The following CCDC171 variants were observed in gnomAD, a reference collection of about 807,000 sequenced individuals.
CCDC171 encodes the protein coiled-coil domain containing 171, also known as coiled-coil domain-containing protein 171.
CCDC171 carries 177 observed loss-of-function variants against 168.2 expected under a neutral mutation model. That is an observed-to-expected ratio of 1.05 (90% confidence interval 0.93 to 1.19). The LOEUF (loss-of-function observed/expected upper bound fraction) is 1.19. CCDC171 is among the 50% of genes most tolerant of loss of function. The pLI is 0.00. For missense variants in CCDC171, 1,991 were observed against 1,539.0 expected (o/e 1.29, Z -4.91); for synonymous variants, 687 against 540.8 (o/e 1.27, Z -3.75).
At position 15,595,297 on chromosome 9, in the gene CCDC171, G is replaced by A. The variant is rs1006360154; in HGVS notation, c.675+1125G>A. On this transcript the variant is annotated intron_variant, in intron 6 of 25. Transcript: ENST00000380701. ...ATATATCCTAATGCTATCCCTCCCC[G>A]CTCCCCTGACCCCACAACAGGCCCT... 4.6e-5 allele frequency among the ~76,000 whole-genome samples: 7 copies of A among 151,818 alleles called. No homozygotes were observed. In the South Asian group the frequency reaches 6.3e-4, roughly 14 times the overall value.
At chr9:15,869,456 C>T (rs1273902561) in intron 23 of CCDC171, among the ~76,000 whole-genome samples, 5 of 149,512 alleles carry the variant, frequency 3.3e-5, no homozygotes, top group Admixed American at 1.3e-4. Context: ...AGAATTCATG[C>T]GTTTATAACG....
chr9:15,963,867 C>G (rs532901353), intron 25 of CCDC171, among the ~76,000 whole-genome samples: 5 of 152,266 alleles, frequency 3.3e-5, no homozygotes, highest in Non-Finnish European at 2.9e-5. Context: ...CTACATTTCT[C>G]AGACCCTCTC....
chr9:15,576,582 C>A (rs1252306085), intron 3 of CCDC171, among the ~76,000 whole-genome samples: 1 of 152,128 alleles, frequency 6.6e-6, no homozygotes, highest in Non-Finnish European at 1.5e-5. Flanking sequence ...CTCCCGTGTT[C>A]TTAAGTGTTT....
In CCDC171 at chr9:16,001,552, C is replaced by G. The variant is rs1832545335; in HGVS notation, n.369-19037C>G. Among the ~76,000 whole-genome samples, 4 of 152,050 alleles carry G rather than the reference C, an allele frequency of 2.6e-5. No homozygotes were observed. The South Asian group carries it at 6.2e-4, about 24-fold the overall frequency. On this transcript the variant is annotated intron_variant and non_coding_transcript_variant, in intron 3 of 9. Coordinates refer to the CCDC171 transcript ENST00000486641. ...GCTGATGACTTTGTATTTTGCTATT[C>G]CAGTCATGCACTGCATAACAACATT...
chr9:15,843,723 A>G (rs932131072), intron 21 of CCDC171, among the ~76,000 whole-genome samples: 11 of 152,094 alleles, frequency 7.2e-5, no homozygotes, highest in African/African-American at 2.7e-4. Flanking sequence ...AATTAGGGTG[A>G]CCGTGTTAAC....
At chr9:15,617,607 ACCT>A (rs1433637720) in intron 6 of CCDC171, among the ~76,000 whole-genome samples, 2 of 151,496 alleles carry the variant, frequency 1.3e-5, no homozygotes, top group African/African-American at 4.9e-5. Context: ...TGATGTCCTG[ACCT>A]CCTGATCCAC....
chr9:15,726,224 G>C (rs1045063799), intron 14 of CCDC171, among the ~76,000 whole-genome samples: 5 of 152,150 alleles, frequency 3.3e-5, no homozygotes, highest in Admixed American at 2.0e-4. Context: ...CTAGAAGCCT[G>C]ACTATATTGT....
In CCDC171 at chr9:16,032,441, C is replaced by T. The variant is rs16933976; in HGVS notation, n.999-3016C>T. ...GAAGGGTCACTGGCCATGCACGAGA[C>T]GCCAAGAAGAGAGTTCAGAGAGGGC... is the stretch of plus-strand genomic sequence containing the variant. On this transcript the variant is annotated intron_variant and non_coding_transcript_variant, in intron 6 of 9. Coordinates refer to the CCDC171 transcript ENST00000486641. Among the ~76,000 whole-genome samples the T allele has an allele frequency of 7.0e-4, 107 of 152,110 alleles. No homozygotes were observed. In the East Asian group the frequency reaches 0.019, roughly 27 times the overall value.
intron 6 of CCDC171, among the ~76,000 whole-genome samples, chr9:15,599,991 A>C (rs1453200975): frequency 6.6e-6 from 1 of 151,802 alleles, no homozygotes; most frequent in African/African-American, 2.4e-5. Flanking sequence ...CATGGTTTTC[A>C]GCTCCGTCAG....
intron 20 of CCDC171, among the ~76,000 whole-genome samples, chr9:15,779,671 T>A (rs2057555140): frequency 6.6e-6 from 1 of 152,238 alleles, no homozygotes; most frequent in South Asian, 2.1e-4. Context: ...CTTCTCTTCT[T>A]ATATTGAATA....
chr9:15,739,377 C>G (rs1386095521), intron 16 of CCDC171, among the ~76,000 whole-genome samples: 2 of 152,126 alleles, frequency 1.3e-5, no homozygotes, highest in Non-Finnish European at 2.9e-5. Flanking sequence ...AAGGTGAATT[C>G]TTTACTGGGG....
At chr9:15,880,706 C>T (rs975589323) in intron 24 of CCDC171, among the ~76,000 whole-genome samples, 1 of 149,992 alleles carries the variant, frequency 6.7e-6, no homozygotes, top group African/African-American at 2.5e-5. Flanking sequence ...GAACTCCTGA[C>T]CTCAAGTGAT....
intron 2 of CCDC171, among the ~76,000 whole-genome samples, chr9:15,565,840 A>G (rs1485606654): frequency 6.6e-6 from 1 of 152,168 alleles, no homozygotes; most frequent in Admixed American, 6.5e-5. Flanking sequence ...CTTTGTGTTG[A>G]CATATGTTTT....
intron 6 of CCDC171, among the ~76,000 whole-genome samples, chr9:16,030,075 T>C (rs962319741): frequency 1.3e-5 from 2 of 152,164 alleles, no homozygotes; most frequent in African/African-American, 4.8e-5. Flanking sequence ...GGGGCCTCTT[T>C]TTTAAGGGCA....
chr9:16,035,873 C>A (rs1364688286), intron 7 of CCDC171, among the ~76,000 whole-genome samples: 1 of 152,210 alleles, frequency 6.6e-6, no homozygotes, highest in Non-Finnish European at 1.5e-5. Context: ...AATTCTACCG[C>A]TATGCAGAAA....
chr9:15,950,019 G>C (rs528789615), intron 25 of CCDC171, among the ~76,000 whole-genome samples: 2 of 152,044 alleles, frequency 1.3e-5, no homozygotes, highest in South Asian at 4.2e-4. Flanking sequence ...GCATGAAGGA[G>C]TATCAGCGAT....
At chr9:15,790,820 G>C (rs1588513079) in intron 21 of CCDC171, among the ~76,000 whole-genome samples, 1 of 152,174 alleles carries the variant, frequency 6.6e-6, no homozygotes. Context: ...CGTATGGCTA[G>C]CCAGTTTTCT....
chr9:15,695,523 C>G (rs536601415), intron 11 of CCDC171, among the ~76,000 whole-genome samples, 186 bp downstream of exon 11: 15 of 152,248 alleles, frequency 9.9e-5, no homozygotes, highest in African/African-American at 2.6e-4. Flanking sequence ...GGAATATGGA[C>G]CTGCTGTTGT....
Position 15,678,845 on chromosome 9 carries a change from A to T in CCDC171, c.1164A>T (p.Arg388Ser). Residue 388 changes from arginine (R) to serine (S), a missense_variant, in exon 10 of 26, where the codon AGA becomes AGT. Transcript: ENST00000380701. ...QKKVIIDLSKRLQYNEKSCSE... is the reference protein window; with the variant it reads ...QKKVIIDLSKSLQYNEKSCSE... Reference sequence around the variant, plus strand: ...AAGTAATTATAGACCTTTCAAAGAGACTCCAGTATAATGAAAAAAGTTGCA... The same window carrying T: ...AAGTAATTATAGACCTTTCAAAGAGTCTCCAGTATAATGAAAAAAGTTGCA... 1.3e-6 allele frequency: 2 copies of T among 1,594,870 alleles called. No individual in the cohort carries two copies. The highest frequency in any genetic ancestry group is 1.2e-5 in the South Asian group (1 of 86,132).
Sources: allele counts gnomAD v4.1 joint callset (sites outside exome capture counted in the v4.1 genomes callset), GRCh38; gene constraint gnomAD v4.1.1; transcripts MANE v1.5; gene names NCBI Gene and HGNC (gene_info 2026-07-23, HGNC 2026-07-21).